The following PIGG variants were observed in gnomAD, a reference collection of about 807,000 sequenced individuals.
PIGG encodes GPI ethanolamine phosphate transferase 2, catalytic subunit.
PIGG carries 70 observed loss-of-function variants against 83.2 expected under a neutral mutation model. The observed-to-expected ratio is 0.84, with a 90% CI of 0.69 to 1.03. The LOEUF (loss-of-function observed/expected upper bound fraction) is 1.03. PIGG is among the 50% of genes least tolerant of loss of function. The pLI, the probability that PIGG is intolerant of heterozygous loss-of-function variation, is 0.00. For synonymous variants in PIGG, 532 were observed against 519.5 expected (o/e 1.02, Z -0.33); for missense variants, 1,257 against 1,233.6 (o/e 1.02, Z -0.28).
rs73219262 is a variant in PIGG, at chr4:530,330, G to A, written c.2262-106G>A. ...GCGGCTCCTTTAGTCAGCAGTGCTG[G>A]ACATTTACTGGTTCCCTGGGTAGAT... On this transcript the variant is annotated intron_variant, in intron 10 of 12. Coordinates refer to ENST00000453061, the MANE Select transcript of PIGG (RefSeq NM_001127178.3). 0.01 allele frequency: 8,103 copies of A among 794,118 alleles called. 79 individuals carry two copies. Among genetic ancestry groups the A allele is most frequent in the Non-Finnish European group, 0.011 (5,252 of 485,386 alleles). 49.2% of individuals were successfully genotyped at this position (794,118 alleles called of 1,614,324 possible). A position where few individuals can be genotyped will look rare whatever the true frequency, so the allele number is the denominator to read the frequency against.
At chr4:501,552 A>C in intron 2 of PIGG, 2 of 163,598 alleles carry the variant, frequency 1.2e-5, no homozygotes, top group South Asian at 1.6e-4. Context: ...GTGAAACATT[A>C]TTTGGTGAGA....
chr4:507,461 CAT>C lies in PIGG; in HGVS notation c.630_631del (p.Leu211AsnfsTer57). ...DKVLKRGDWD[I>X]LILHYLGLDH... ...AAGTATTAAAAAGAGGAGATTGGGA[CAT>C]ATTAATCCTCCACTACCTGGGGCTG... On this transcript the variant is annotated frameshift_variant, in exon 4 of 13. Transcript: ENST00000453061. LOFTEE classifies it high-confidence loss of function. 6.2e-7 allele frequency: 1 copy of C among 1,613,780 alleles called. No homozygotes were observed. Among genetic ancestry groups the C allele is most frequent in the Non-Finnish European group, 8.5e-7 (1 of 1,179,668 alleles).
At chr4:534,606 C>T (rs1729934168) in intron 12 of PIGG, among the ~76,000 whole-genome samples, 1 of 152,258 alleles carries the variant, frequency 6.6e-6, no homozygotes, top group Non-Finnish European at 1.5e-5. Context: ...CTGGCCTGCC[C>T]TCCATGCTCT....
Position 521,051 on chromosome 4 carries a change from A to T in PIGG, c.1115-5A>T, listed in dbSNP as rs1489560202. 6.2e-7 allele frequency: 1 copy of T among 1,606,108 alleles called. No individual in the cohort carries two copies. Among genetic ancestry groups the T allele is most frequent in the South Asian group, 1.1e-5 (1 of 90,892 alleles). On this transcript the variant is annotated splice_polypyrimidine_tract_variant and splice_region_variant and intron_variant, in intron 6 of 12. Transcript: ENST00000453061. The stretch of plus-strand genomic sequence containing the variant: ...GCGCCTGTAACCTTTCTGTCTTCTT[A>T]ATAGATCCTGGGTTTGAGCAGTTTA...
intron 6 of PIGG, among the ~76,000 whole-genome samples, chr4:519,887 C>T (rs1342751587): frequency 2.6e-5 from 2 of 76,332 alleles, no homozygotes; most frequent in South Asian, 6.4e-4. Context: ...TGTGGGTTCA[C>T]GCTCAGGGAC....
intron 5 of PIGG, among the ~76,000 whole-genome samples, chr4:512,097 T>C (rs1722153253): frequency 6.6e-6 from 1 of 152,212 alleles, no homozygotes; most frequent in African/African-American, 2.4e-5. Flanking sequence ...TTGGAAAATT[T>C]TCAGTTGTTT....
At position 513,826 on chromosome 4, in the gene PIGG, G is replaced by T. The variant is rs147293625; in HGVS notation, c.902-2147G>T. The stretch of plus-strand genomic sequence containing the variant: ...AGAATTACAGTTATTAAAATAGTTT[G>T]TGCAGGCAAGAACTGGTCACAAACC... On this transcript the variant is annotated intron_variant, in intron 5 of 12. Coordinates refer to ENST00000453061, the MANE Select transcript of PIGG (RefSeq NM_001127178.3). Among the ~76,000 whole-genome samples, 676 of 152,266 alleles carry T rather than the reference G, an allele frequency of 4.4e-3. 3 individuals are homozygous for T. The highest frequency in any genetic ancestry group is 0.015 in the African/African-American group (633 of 41,518).
intron 12 of PIGG, among the ~76,000 whole-genome samples, chr4:535,392 G>A (rs566142989): frequency 2.9e-5 from 3 of 102,996 alleles, no homozygotes; most frequent in East Asian, 3.1e-4. Context: ...TCCCCGCAGC[G>A]CCTATGCATT....
At chr4:519,140 C>A (rs981961831) in intron 6 of PIGG, among the ~76,000 whole-genome samples, 11 of 152,228 alleles carry the variant, frequency 7.2e-5, no homozygotes, top group African/African-American at 2.7e-4. Context: ...CTCATTGATA[C>A]CCTCTACTTT....
chr4:516,211 C>G, intron 6 of PIGG, 26 bp downstream of exon 6: 1 of 1,505,254 alleles, frequency 6.6e-7, no homozygotes, highest in Non-Finnish European at 9.3e-7. Context: ...GTTTCGAGCT[C>G]TGTCAGAGCT....
chr4:521,340 AGTTT>A, intron 7 of PIGG, 67 bp downstream of exon 7: 2 of 978,502 alleles, frequency 2.0e-6, no homozygotes, highest in Non-Finnish European at 3.1e-6. Flanking sequence ...AAATATTTAT[AGTTT>A]TAAATATATA....
intron 3 of PIGG, 109 bp from the exon 4 acceptor site, chr4:507,296 G>A (rs1720061454): frequency 2.4e-6 from 2 of 844,860 alleles, no homozygotes; most frequent in Non-Finnish European, 1.9e-6. Context: ...CCCAAATCCT[G>A]TAACCTGAAT....
intron 1 of PIGG, chr4:499,702 A>C: frequency 7.2e-7 from 1 of 1,388,916 alleles, no homozygotes; most frequent in Non-Finnish European, 9.3e-7. Flanking sequence ...CCCCACTTCG[A>C]CCTTCCTTCC....
In PIGG at chr4:529,573, GCATTT is replaced by G. The variant is rs1301456519; in HGVS notation, c.2262-857_2262-853del. Among the ~76,000 whole-genome samples, 3 of 152,338 alleles carry G rather than the reference GCATTT, an allele frequency of 2.0e-5. No individual in the cohort carries two copies. The East Asian group carries it at 5.8e-4, about 29-fold the overall frequency. ...TGATCAGATTTGTAGGCTGTGTGAA[GCATTT>G]CATTTACAAAATTTATTTAAAATAT... On this transcript the variant is annotated intron_variant, in intron 10 of 12. Coordinates refer to ENST00000453061, the MANE Select transcript of PIGG (RefSeq NM_001127178.3).
intron 6 of PIGG, among the ~76,000 whole-genome samples, chr4:520,017 C>T (rs964062416): frequency 2.6e-5 from 4 of 152,056 alleles, no homozygotes; most frequent in African/African-American, 4.8e-5. Context: ...GACCTGGTGC[C>T]GGCAGCAGTG....
At position 530,723 on chromosome 4, in the gene PIGG, G is replaced by A. The variant is rs1728843174; in HGVS notation, c.2549G>A (p.Gly850Asp). The change falls in exon 11 of 13, where the codon GGT (glycine) becomes GAT (aspartate). Residue 850 changes from glycine to aspartate, a missense_variant. Transcript: ENST00000453061. ...AEITVMHYWF[G>D]QAFFYFQGNS... ...ATTACTGTGATGCATTATTGGTTTG[G>A]TCAAGCATTCTTCTATTTTCAGGTA... 6.2e-7 allele frequency: 1 copy of A among 1,609,548 alleles called. No individual in the cohort carries two copies. Among genetic ancestry groups the A allele is most frequent in the East Asian group, 2.2e-5 (1 of 44,788 alleles).
rs574991261 is a variant in PIGG at position 507,807 on chromosome 4, C to T, written c.759+214C>T. Among the ~76,000 whole-genome samples, 17 of 152,356 alleles carry T rather than the reference C, an allele frequency of 1.1e-4. No individual in the cohort carries two copies. In the South Asian group the frequency reaches 3.3e-3, roughly 30 times the overall value. On this transcript the variant is annotated intron_variant, in intron 4 of 12. Coordinates refer to ENST00000453061, the MANE Select transcript of PIGG (RefSeq NM_001127178.3). The stretch of plus-strand genomic sequence containing the variant: ...CCCTGCAGAACAGCAGCTCTCACTC[C>T]TACCCGTGTATGCATTCATTCAACT...
chr4:514,670 C>T (rs1253502663), intron 5 of PIGG, among the ~76,000 whole-genome samples: 1 of 152,182 alleles, frequency 6.6e-6, no homozygotes, highest in Non-Finnish European at 1.5e-5. Flanking sequence ...TGTATCGATT[C>T]ACCTTCAAAA....
chr4:539,643 GA>G lies in PIGG; in HGVS notation c.*278del, dbSNP rs1158969953. ...AATATGTGTGTTTAAATCAATGAAT[GA>G]AAAGGTTCTGGACTTTGTTAGAGTC... On this transcript the variant is annotated 3_prime_UTR_variant, in exon 13 of 13. Transcript: ENST00000453061. 5.8e-6 allele frequency: 2 copies of G among 343,830 alleles called. No individual in the cohort carries two copies. Among genetic ancestry groups the G allele is most frequent in the Non-Finnish European group, 1.1e-5 (2 of 187,164 alleles). The allele number at this position is 343,830 out of a possible 1,614,324, so 21.3% of individuals were successfully genotyped here.
Sources: allele counts gnomAD v4.1 joint callset (sites outside exome capture counted in the v4.1 genomes callset), GRCh38; gene constraint gnomAD v4.1.1; transcripts MANE v1.5; gene names NCBI Gene and HGNC (gene_info 2026-07-23, HGNC 2026-07-21).